The following PCDH15 variants were observed in gnomAD, a reference collection of about 807,000 sequenced individuals.
The protein encoded by PCDH15 is protocadherin related 15, also known as protocadherin-15.
In PCDH15, 129 loss-of-function variants were observed where a neutral mutation model predicts 178.5. The observed-to-expected ratio is 0.72, with a 90% confidence interval of 0.63 to 0.84. The LOEUF is 0.84. Ranked by LOEUF, PCDH15 falls within the 40% of genes least tolerant of loss-of-function variation. The pLI, the probability that PCDH15 is intolerant of heterozygous loss-of-function variation, is 0.00. For missense variants in PCDH15, 2,230 were observed against 2,099.9 expected (o/e 1.06, Z -1.21); for synonymous variants, 800 against 732.0 (o/e 1.09, Z -1.50).
At position 54,717,447 on chromosome 10, in the gene PCDH15, A is replaced by G. The variant is rs113086875; in HGVS notation, c.-28-53157T>C. 1.3e-4 allele frequency among the ~76,000 whole-genome samples: 19 copies of G among 143,466 alleles called. 1 individual carries two copies. In the East Asian group the frequency reaches 2.4e-3, roughly 18 times the overall value. 94.1% of individuals were successfully genotyped at this position (143,466 alleles called of 152,430 possible). On this transcript the variant is annotated intron_variant, in intron 1 of 37. Coordinates refer to ENST00000644397, the MANE Select transcript of PCDH15 (RefSeq NM_001384140.1). ...CAAACAACCCCATCAAAAAGTGGGC[A>G]AAGGACATGAACAGACACTTCCCAA...
chr10:55,081,945 A>G (rs1842049461), intron 2 of PCDH15, among the ~76,000 whole-genome samples: 1 of 152,162 alleles, frequency 6.6e-6, no homozygotes, highest in Non-Finnish European at 1.5e-5. Context: ...TTAGAGCTAA[A>G]GAGAGAGGCA....
intron 2 of PCDH15, among the ~76,000 whole-genome samples, chr10:55,524,006 T>C (rs1249791351): frequency 6.6e-6 from 1 of 151,478 alleles, no homozygotes; most frequent in African/African-American, 2.4e-5. Flanking sequence ...ATTATTCTTC[T>C]ATGCTGCCAC....
intron 1 of PCDH15, among the ~76,000 whole-genome samples, chr10:55,234,561 T>C (rs1592008481): frequency 6.6e-6 from 1 of 151,930 alleles, no homozygotes; most frequent in Non-Finnish European, 1.5e-5. Flanking sequence ...GATTTCTTTT[T>C]GTAGAAATGG....
chr10:54,768,776 C>T (rs1472280521), intron 1 of PCDH15, among the ~76,000 whole-genome samples: 2 of 152,120 alleles, frequency 1.3e-5, no homozygotes, highest in South Asian at 2.1e-4. Context: ...GTGTATCCCA[C>T]CTTCCTTGAC....
intron 3 of PCDH15, among the ~76,000 whole-genome samples, chr10:54,461,748 A>C (rs2077177634): frequency 6.6e-6 from 1 of 152,100 alleles, no homozygotes; most frequent in South Asian, 2.1e-4. Context: ...CCTTCTTTGG[A>C]CTATAGTAAG....
In PCDH15 at chr10:55,036,271, A is replaced by C. The variant is rs76761576; in HGVS notation, c.-80+130305T>G. ...CAGCCTCCAAAAACATGAATCAATA[A>C]ATTTCTGTTAATTACAAATTACCTA... On this transcript the variant is annotated intron_variant, in intron 2 of 5. Coordinates refer to the PCDH15 transcript ENST00000458638. 1.9e-4 allele frequency among the ~76,000 whole-genome samples: 29 copies of C among 152,306 alleles called. 1 individual carries two copies. In the East Asian group the frequency reaches 5.6e-3, roughly 29 times the overall value.
chr10:54,425,199 A>C (rs1956117708), intron 3 of PCDH15, among the ~76,000 whole-genome samples: 2 of 152,112 alleles, frequency 1.3e-5, no homozygotes, highest in Admixed American at 6.5e-5. Context: ...GATAATATTG[A>C]GAAGTGGACT....
chr10:55,569,682 A>G (rs184082313), intron 2 of PCDH15, among the ~76,000 whole-genome samples: 4 of 152,106 alleles, frequency 2.6e-5, no homozygotes, highest in Non-Finnish European at 5.9e-5. Flanking sequence ...GTCCTACATT[A>G]CTGAAAGTGG....
intron 1 of PCDH15, among the ~76,000 whole-genome samples, chr10:55,314,591 T>A (rs1843676890): frequency 6.9e-6 from 1 of 144,052 alleles, no homozygotes. Flanking sequence ...AAAAAAAAAA[T>A]TCCAACTGCC....
At chr10:54,007,047 T>C (rs2092409914) in intron 20 of PCDH15, among the ~76,000 whole-genome samples, 1 of 152,220 alleles carries the variant, frequency 6.6e-6, no homozygotes, top group Non-Finnish European at 1.5e-5. Flanking sequence ...AAGTTCTTTA[T>C]ACTCCTTATA....
At chr10:53,860,214 A>G (rs957232117) in intron 27 of PCDH15, among the ~76,000 whole-genome samples, 1 of 152,148 alleles carries the variant, frequency 6.6e-6, no homozygotes, top group African/African-American at 2.4e-5. Context: ...TAATGAAATA[A>G]ATATTTGGTA....
Position 54,527,846 on chromosome 10 carries a change from A to G in PCDH15, c.123T>C (p.Ala41=). 1 of 1,612,246 alleles carries G rather than the reference A, an allele frequency of 6.2e-7. No individual in the cohort carries two copies. The highest frequency in any genetic ancestry group is 8.5e-7 in the Non-Finnish European group (1 of 1,178,622). ...DCKLARGGPP[A]TIVAIDEESR... ...TTTCTTCATCAATAGCAACTATGGT[A>G]GCTGGTGGTCCTCCCCTAGCTAGTT... The change falls in exon 3 of 38, where the codon GCT becomes GCC. Residue 41 remains alanine, a synonymous_variant. Transcript: ENST00000644397.
Position 54,071,706 on chromosome 10 carries a change from G to A in PCDH15, c.2092-4821C>T, listed in dbSNP as rs137977754. Among the ~76,000 whole-genome samples the A allele has an allele frequency of 9.1e-3, 1,381 of 152,152 alleles. 16 individuals carry two copies. Among genetic ancestry groups the A allele is most frequent in the African/African-American group, 0.032 (1,314 of 41,528 alleles). Reference sequence around the variant, plus strand: ...AGACTCATGGTATGTATAGGAATCAGTCAGGAATATTTCAATTTGTTCATT... The same window carrying A: ...AGACTCATGGTATGTATAGGAATCAATCAGGAATATTTCAATTTGTTCATT... On this transcript the variant is annotated intron_variant, in intron 17 of 37. Transcript: ENST00000644397.
At chr10:54,415,492 CAAG>C (rs906782686) in intron 3 of PCDH15, among the ~76,000 whole-genome samples, 2 of 151,918 alleles carry the variant, frequency 1.3e-5, no homozygotes, top group Non-Finnish European at 2.9e-5. Context: ...TCCATGTTGT[CAAG>C]AAGGCAGGAG....
chr10:55,231,348 C>A (rs569301681), intron 1 of PCDH15, among the ~76,000 whole-genome samples: 19 of 151,944 alleles, frequency 1.3e-4, no homozygotes, highest in Non-Finnish European at 2.5e-4. Flanking sequence ...TACAAAGAGT[C>A]TTGCATACTG....
chr10:54,823,410 G>A (rs958650396), intron 3 of PCDH15, among the ~76,000 whole-genome samples: 1 of 152,058 alleles, frequency 6.6e-6, no homozygotes, highest in African/African-American at 2.4e-5. Flanking sequence ...ACTTACAGTT[G>A]TTATGTAATG....
intron 6 of PCDH15, among the ~76,000 whole-genome samples, chr10:54,335,248 A>G (rs1443425728): frequency 6.6e-6 from 1 of 152,172 alleles, no homozygotes; most frequent in Non-Finnish European, 1.5e-5. Context: ...TCTGTTTCAT[A>G]CTGTTAAAAC....
chr10:55,092,552 T>C (rs2132036943), intron 2 of PCDH15, among the ~76,000 whole-genome samples: 1 of 152,018 alleles, frequency 6.6e-6, no homozygotes, highest in African/African-American at 2.4e-5. Flanking sequence ...ATTTAGAAGG[T>C]AGTTAAAAAG....
intron 8 of PCDH15, among the ~76,000 whole-genome samples, chr10:54,277,574 T>C (rs1037621394): frequency 2.0e-5 from 3 of 151,726 alleles, no homozygotes; most frequent in Non-Finnish European, 3.0e-5. Context: ...TAAATGATTA[T>C]ACATATTTGT....
Sources: gnomAD v4.1 joint callset for allele counts (sites outside exome capture counted in the v4.1 genomes callset) on GRCh38, gnomAD v4.1.1 for gene constraint, MANE v1.5 for transcripts, NCBI Gene and HGNC (gene_info 2026-07-23, HGNC 2026-07-21) for gene names.